Variants in GFPT1 observed in about 807,000 individuals in gnomAD.
GFPT1 encodes the protein glutamine--fructose-6-phosphate transaminase 1.
In GFPT1, 40 loss-of-function variants were observed where a neutral mutation model predicts 92.0. The observed-to-expected ratio is 0.43, with a 90% confidence interval of 0.34 to 0.57. GFPT1 has a LOEUF of 0.57. GFPT1 is among the 20% of genes least tolerant of loss of function. The pLI is 0.02. For missense variants in GFPT1, 448 were observed against 869.1 expected, an observed-to-expected ratio of 0.52 and a Z score of 6.09; for synonymous variants, 269 against 280.6, an observed-to-expected ratio of 0.96 and a Z score of 0.41.
At chr2:69,340,140 C>CTTT (rs139786418) in intron 13 of GFPT1, among the ~76,000 whole-genome samples, 3 of 99,122 alleles carry the variant, frequency 3.0e-5, no homozygotes, top group East Asian at 2.9e-4. Flanking sequence ...GTTGGGGCAA[C>CTTT]TTTTTTTTTT....
intron 12 of GFPT1, among the ~76,000 whole-genome samples, chr2:69,343,202 C>A (rs1296109754): frequency 6.6e-6 from 1 of 152,180 alleles, no homozygotes; most frequent in Non-Finnish European, 1.5e-5. Flanking sequence ...GTGAGAAATT[C>A]TCATTCAACA....
rs77355508 is a variant in GFPT1 at position 69,362,015 on chromosome 2, C to T, written c.349+1530G>A. Among the ~76,000 whole-genome samples, 152 of 152,186 alleles carry T rather than the reference C, an allele frequency of 1.0e-3. 2 individuals carry two copies. In the East Asian group the frequency reaches 0.028, roughly 28 times the overall value. ...GAAAAAAAATGGGGAGGGATAAATA[C>T]ACACATACACACTTTTGTATGTATT... On this transcript the variant is annotated intron_variant, in intron 4 of 19. Coordinates refer to ENST00000357308, the MANE Select transcript of GFPT1 (RefSeq NM_001244710.2).
At chr2:69,356,294 T>C (rs1671336431) in intron 7 of GFPT1, among the ~76,000 whole-genome samples, 1 of 152,128 alleles carries the variant, frequency 6.6e-6, no homozygotes, top group African/African-American at 2.4e-5. Flanking sequence ...GCGCCCGGCC[T>C]GTATTTGCTT....
chr2:69,327,170 T>C, intron 18 of GFPT1, 95 bp from the exon 19 acceptor site: 1 of 1,002,794 alleles, frequency 1.0e-6, no homozygotes, highest in East Asian at 2.4e-5. Context: ...GCATAATCCA[T>C]ATGAAGCCTC....
intron 15 of GFPT1, among the ~76,000 whole-genome samples, chr2:69,336,989 G>T (rs992975964): frequency 6.6e-6 from 1 of 150,564 alleles, no homozygotes; most frequent in South Asian, 2.1e-4. Flanking sequence ...CCTCCCCAGA[G>T]CAATATCTAA....
At chr2:69,337,050 CAAATTTT>C (rs1291334567) in intron 15 of GFPT1, among the ~76,000 whole-genome samples, 1 of 146,926 alleles carries the variant, frequency 6.8e-6, no homozygotes, top group Non-Finnish European at 1.5e-5. Flanking sequence ...TTTTAATTGC[CAAATTTT>C]AAATTTTTTT....
chr2:69,358,294 T>C (rs1196567253), intron 6 of GFPT1, 35 bp downstream of exon 6: 6 of 1,569,616 alleles, frequency 3.8e-6, no homozygotes, highest in Admixed American at 1.7e-5. Flanking sequence ...AGCATTAATG[T>C]TGGCATAATT....
chr2:69,347,934 T>G (rs996589792), intron 11 of GFPT1, among the ~76,000 whole-genome samples: 1 of 152,170 alleles, frequency 6.6e-6, no homozygotes. Context: ...AAGTATCAAG[T>G]GTTAATAACC....
intron 2 of GFPT1, among the ~76,000 whole-genome samples, chr2:69,373,514 G>A (rs944515186): frequency 6.6e-6 from 1 of 152,134 alleles, no homozygotes; most frequent in Admixed American, 6.6e-5. Flanking sequence ...TAGCTACTGA[G>A]GAGGCTACGG....
At chr2:69,332,896 T>C (rs1323818661) in intron 15 of GFPT1, among the ~76,000 whole-genome samples, 1 of 152,140 alleles carries the variant, frequency 6.6e-6, no homozygotes, top group Non-Finnish European at 1.5e-5. Flanking sequence ...CCCTCTATAA[T>C]AAAATCACAG....
At chr2:69,361,791 C>T (rs1671477932) in intron 4 of GFPT1, among the ~76,000 whole-genome samples, 1 of 152,082 alleles carries the variant, frequency 6.6e-6, no homozygotes, top group Non-Finnish European at 1.5e-5. Flanking sequence ...CCAGCCTGAG[C>T]AACAAAGCAA....
At chr2:69,362,273 C>T (rs192503431) in intron 4 of GFPT1, among the ~76,000 whole-genome samples, 26 of 152,076 alleles carry the variant, frequency 1.7e-4, no homozygotes, top group African/African-American at 6.0e-4. Flanking sequence ...GGACTATGGG[C>T]GCATGCCACC....
chr2:69,337,838 T>A, intron 15 of GFPT1, 60 bp downstream of exon 15: 1 of 1,320,838 alleles, frequency 7.6e-7, no homozygotes, highest in Non-Finnish European at 1.1e-6. Context: ...GTCTACAGAC[T>A]AGTCTGCTTC....
At chr2:69,334,388 A>ATTAAAG (rs1388995949) in intron 15 of GFPT1, among the ~76,000 whole-genome samples, 1 of 152,176 alleles carries the variant, frequency 6.6e-6, no homozygotes, top group Non-Finnish European at 1.5e-5. Context: ...TTTGAAAAAA[A>ATTAAAG]TTAAAGTCTG....
chr2:69,359,223 G>A, intron 5 of GFPT1, 45 bp downstream of exon 5: 1 of 982,558 alleles, frequency 1.0e-6, no homozygotes, highest in Non-Finnish European at 1.7e-6. Context: ...GCTCTCGTTA[G>A]AAGTATTCTC....
Position 69,329,139 on chromosome 2 carries a change from T to A in GFPT1, c.1725+158A>T, listed in dbSNP as rs539209113. ...TTTGATTTTCACTTCTGAACAGAGT[T>A]CTCTGTTGCACTTTCTCAAAGTAAA... On this transcript the variant is annotated intron_variant, in intron 17 of 19. Transcript: ENST00000357308. Among the ~76,000 whole-genome samples, 5 of 152,378 alleles carry A rather than the reference T, an allele frequency of 3.3e-5. No homozygotes were observed. In the East Asian group the frequency reaches 9.6e-4, roughly 29 times the overall value.
intron 4 of GFPT1, among the ~76,000 whole-genome samples, chr2:69,361,103 A>G (rs1009412011): frequency 3.9e-5 from 6 of 152,120 alleles, no homozygotes; most frequent in Non-Finnish European, 8.8e-5. Context: ...ACCAAATAAT[A>G]AACATTTTCA....
In GFPT1 at chr2:69,320,195, A is replaced by G. The variant is rs1670374201; in HGVS notation, c.*5994T>C. ...ACTGATAACATCTAGACCTTTGCAG[A>G]CGTTTAGAGTACTGTACAATCTTAA... is the stretch of plus-strand genomic sequence containing the variant. On this transcript the variant is annotated 3_prime_UTR_variant, in exon 20 of 20. Coordinates refer to ENST00000357308, the MANE Select transcript of GFPT1 (RefSeq NM_001244710.2). The G allele has an allele frequency of 6.6e-6, 1 of 152,252 alleles. No homozygotes were observed. The highest frequency in any genetic ancestry group is 6.5e-5 in the Admixed American group (1 of 15,286). 9.4% of individuals were successfully genotyped at this position (152,252 alleles called of 1,614,324 possible). A position where few individuals can be genotyped will look rare whatever the true frequency, so the allele number is the denominator to read the frequency against.
intron 7 of GFPT1, 57 bp downstream of exon 7, chr2:69,356,439 T>G: frequency 8.3e-7 from 1 of 1,203,212 alleles, no homozygotes; most frequent in Non-Finnish European, 1.2e-6. Flanking sequence ...CTACGAAGAA[T>G]AAACATGTAA....
Sources: gnomAD v4.1 joint callset for allele counts (sites outside exome capture counted in the v4.1 genomes callset) on GRCh38, gnomAD v4.1.1 for gene constraint, MANE v1.5 for transcripts, NCBI Gene and HGNC (gene_info 2026-07-23, HGNC 2026-07-21) for gene names.